USP34: variants seen among roughly 807,000 people sequenced by gnomAD.
The protein encoded by USP34 is ubiquitin carboxyl-terminal hydrolase 34.
A neutral mutation model predicts 460.3 loss-of-function variants in USP34; 70 were observed. The ratio of observed to expected loss-of-function variants is 0.15; its 90% CI spans 0.13 to 0.19. The LOEUF is 0.19. Among genes scored for constraint, USP34 ranks in the 10% least tolerant of loss-of-function variants. USP34 has a pLI of 1.00. For synonymous variants in USP34, 1,647 were observed against 1,405.3 expected, an observed-to-expected ratio of 1.17 and a Z score of -3.85; for missense variants, 3,985 against 4,236.2, an observed-to-expected ratio of 0.94 and a Z score of 1.65.
rs1007172792 is a variant in USP34, at chr2:61,349,146, T to C, written c.1543+104A>G. 23 of 1,388,766 alleles carry C rather than the reference T, an allele frequency of 1.7e-5. No individual in the cohort carries two copies. The Middle Eastern group carries it at 3.4e-3, about 205-fold the overall frequency. The allele number at this position is 1,388,766 out of a possible 1,614,324, so 86.0% of individuals were successfully genotyped here. On this transcript the variant is annotated intron_variant, in intron 13 of 79. Coordinates refer to ENST00000398571, the MANE Select transcript of USP34 (RefSeq NM_014709.4). The stretch of plus-strand genomic sequence containing the variant: ...AGGTTTACATCTCCTCAAAATGAAC[T>C]TTATGACTGATACAAATATATTATT...
chr2:61,237,405 A>G (rs1688099132), intron 53 of USP34, among the ~76,000 whole-genome samples: 1 of 152,068 alleles, frequency 6.6e-6, no homozygotes, highest in Non-Finnish European at 1.5e-5. Context: ...ACTGGTCAAC[A>G]TGATCTCCTG....
intron 57 of USP34, among the ~76,000 whole-genome samples, chr2:61,235,044 A>G (rs1688024085): frequency 6.6e-6 from 1 of 152,148 alleles, no homozygotes; most frequent in Non-Finnish European, 1.5e-5. Flanking sequence ...AAGACTAAAA[A>G]ATTTTGCACA....
In USP34 at chr2:61,241,833, CA is replaced by C; in HGVS notation, c.6628-15del. On this transcript the variant is annotated splice_polypyrimidine_tract_variant and intron_variant, in intron 51 of 79. Transcript: ENST00000398571. Reference sequence around the variant, plus strand: ...ATAGGTCTTGGTCTGTTTAAAAATACAAAAGTTTTACTTCTTTGAAAAAATG... The same window carrying C: ...ATAGGTCTTGGTCTGTTTAAAAATACAAAGTTTTACTTCTTTGAAAAAATG... 2 of 1,459,842 alleles carry C rather than the reference CA, an allele frequency of 1.4e-6. No individual in the cohort carries two copies. The highest frequency in any genetic ancestry group is 1.3e-5 in the South Asian group (1 of 74,354). The allele number at this position is 1,459,842 out of a possible 1,614,324, so 90.4% of individuals were successfully genotyped here.
intron 41 of USP34, chr2:61,277,593 C>T (rs1689409090): frequency 6.6e-6 from 1 of 152,322 alleles, no homozygotes; most frequent in Non-Finnish European, 1.5e-5. Context: ...ATTTTGTATT[C>T]TAAAAACAAG....
In USP34 at chr2:61,187,969, C is replaced by CTA; in HGVS notation, c.*131_*132dup. The CTA allele has an allele frequency of 6.9e-7, 1 of 1,453,882 alleles. No individual in the cohort carries two copies. The highest frequency in any genetic ancestry group is 2.5e-5 in the East Asian group (1 of 40,764). 90.1% of individuals were successfully genotyped at this position (1,453,882 alleles called of 1,614,324 possible). On this transcript the variant is annotated 3_prime_UTR_variant, in exon 80 of 80. Transcript: ENST00000398571. Reference sequence around the variant, plus strand: ...AGTTCTGCCTGACCAAGAATTAAGCCTATAAATCTATCTTGCCATTCAAGC... The same window carrying CTA: ...AGTTCTGCCTGACCAAGAATTAAGCCTATATAAATCTATCTTGCCATTCAAGC...
chr2:61,350,230 A>C (rs761594723), intron 12 of USP34, 30 bp downstream of exon 12: 2 of 1,566,466 alleles, frequency 1.3e-6, no homozygotes, highest in Non-Finnish European at 1.7e-6. Context: ...GCTCTCAACA[A>C]TTTACTTCAA....
At chr2:61,296,021 G>A (rs1690016263) in intron 30 of USP34, among the ~76,000 whole-genome samples, 1 of 152,208 alleles carries the variant, frequency 6.6e-6, no homozygotes, top group Non-Finnish European at 1.5e-5. Context: ...CATTTTGGGA[G>A]GCTGAGATGG....
At chr2:61,328,560 T>C (rs762352715) in intron 20 of USP34, among the ~76,000 whole-genome samples, 1 of 152,094 alleles carries the variant, frequency 6.6e-6, no homozygotes, top group Non-Finnish European at 1.5e-5. Context: ...CCAGACAACA[T>C]CTCTCTGTTC....
chr2:61,417,884 C>A (rs1452326796), intron 2 of USP34, among the ~76,000 whole-genome samples: 1 of 146,752 alleles, frequency 6.8e-6, no homozygotes, highest in Admixed American at 6.8e-5. Flanking sequence ...TGGGGTTACA[C>A]ATGAGCACCC....
At position 61,349,417 on chromosome 2, in the gene USP34, AC is replaced by A. The variant is rs1691874405; in HGVS notation, c.1508-133del. The A allele has an allele frequency of 3.6e-6, 3 of 830,322 alleles. No homozygotes were observed. In the Admixed American group the frequency reaches 8.6e-5, roughly 24 times the overall value. 51.4% of individuals were successfully genotyped at this position (830,322 alleles called of 1,614,324 possible). ...AAACCTGCAATAAGGTTAAGTCCCC[AC>A]CACCTACAGTAGTTGTTGGGGGTGC... On this transcript the variant is annotated intron_variant, in intron 12 of 79. Coordinates refer to ENST00000398571, the MANE Select transcript of USP34 (RefSeq NM_014709.4).
intron 70 of USP34, chr2:61,208,368 T>G (rs146970285): frequency 3.9e-5 from 6 of 152,252 alleles, no homozygotes; most frequent in Non-Finnish European, 5.9e-5. Context: ...TACATACAGA[T>G]TGATGTCTCA....
intron 22 of USP34, among the ~76,000 whole-genome samples, 178 bp downstream of exon 22, chr2:61,318,995 G>A (rs1263978624): frequency 6.6e-6 from 1 of 151,770 alleles, no homozygotes; most frequent in East Asian, 1.9e-4. Context: ...GGTAAACAGT[G>A]TAAACAACAA....
intron 16 of USP34, among the ~76,000 whole-genome samples, chr2:61,343,500 G>C (rs920508846): frequency 6.6e-6 from 1 of 151,952 alleles, no homozygotes; most frequent in African/African-American, 2.4e-5. Flanking sequence ...TTAGGTCCTA[G>C]GATTTCTGAG....
At chr2:61,396,355 C>T (rs375706998) in intron 3 of USP34, among the ~76,000 whole-genome samples, 3 of 152,140 alleles carry the variant, frequency 2.0e-5, no homozygotes, top group Admixed American at 2.0e-4. Flanking sequence ...CCCAGCAATT[C>T]TAGCTTTTTG....
chr2:61,314,632 T>C lies in USP34; in HGVS notation c.3495A>G (p.Glu1165=). 5 of 1,594,856 alleles carry C rather than the reference T, an allele frequency of 3.1e-6. No individual in the cohort carries two copies. Among genetic ancestry groups the C allele is most frequent in the Non-Finnish European group, 2.6e-6 (3 of 1,173,962 alleles). The part of the protein sequence containing the change: ...QESHSSLMVI[E]RGLLMLKTHL... Reference sequence around the variant, plus strand: ...GTGTCTTCAGCATAAGGAGTCCTCTTTCTATAACCATGAGACTTGAGTGTG... The same window carrying C: ...GTGTCTTCAGCATAAGGAGTCCTCTCTCTATAACCATGAGACTTGAGTGTG... The change falls in exon 25 of 80, where the codon GAA becomes GAG. Residue 1165 remains glutamate (E), a synonymous_variant. Coordinates refer to ENST00000398571, the MANE Select transcript of USP34 (RefSeq NM_014709.4).
intron 1 of USP34, among the ~76,000 whole-genome samples, chr2:61,459,770 A>T (rs1400835318): frequency 1.4e-5 from 2 of 143,430 alleles, no homozygotes; most frequent in Admixed American, 1.4e-4. Context: ...GAGCCAAAAA[A>T]AAAAAAAGGC....
chr2:61,295,964 A>G (rs1047309228), intron 30 of USP34, among the ~76,000 whole-genome samples: 4 of 152,224 alleles, frequency 2.6e-5, no homozygotes, highest in Admixed American at 2.0e-4. Flanking sequence ...ACAAATTTTA[A>G]AAACAATCTT....
Position 61,293,555 on chromosome 2 carries a change from A to G in USP34, c.4462-5T>C. On this transcript the variant is annotated splice_region_variant and splice_polypyrimidine_tract_variant and intron_variant, in intron 32 of 79. Coordinates refer to ENST00000398571, the MANE Select transcript of USP34 (RefSeq NM_014709.4). ...AAGCCCTCCAGCAGCAACAAACTGT[A>G]GGCAATTGTGAAAGTAATAGTAAGA... 1 of 1,609,906 alleles carries G rather than the reference A, an allele frequency of 6.2e-7. No homozygotes were observed. Among genetic ancestry groups the G allele is most frequent in the Non-Finnish European group, 8.5e-7 (1 of 1,177,612 alleles).
intron 41 of USP34, among the ~76,000 whole-genome samples, chr2:61,274,443 GAA>G (rs199607185): frequency 4.1e-4 from 52 of 126,774 alleles, no homozygotes; most frequent in African/African-American, 9.4e-4. Context: ...AGTCAAGACA[GAA>G]AAAAAAAAAA....
Sources: gnomAD v4.1 joint callset for allele counts (sites outside exome capture counted in the v4.1 genomes callset) on GRCh38, gnomAD v4.1.1 for gene constraint, MANE v1.5 for transcripts, NCBI Gene and HGNC (gene_info 2026-07-23, HGNC 2026-07-21) for gene names.